The following KDM6A variants were observed in gnomAD, a reference collection of about 807,000 sequenced individuals.
KDM6A encodes lysine-specific demethylase 6A.
In KDM6A, 11 loss-of-function variants were observed where a neutral mutation model predicts 117.6. The observed-to-expected ratio is 0.09, with a 90% CI of 0.06 to 0.15. The LOEUF is 0.15. KDM6A is among the 10% of genes least tolerant of loss of function. The pLI is 1.00. For missense variants in KDM6A, 799 were observed against 1,077.3 expected (o/e 0.74, Z 3.62); for synonymous variants, 384 against 396.1 (o/e 0.97, Z 0.36).
At chrX:44,908,170 G>A (rs2034849257) in intron 2 of KDM6A, among the ~76,000 whole-genome samples, 1 of 110,570 alleles carries the variant, frequency 9.0e-6, no homozygotes, top group Non-Finnish European at 1.9e-5. Context: ...AAGGGCTTTT[G>A]TCTTGGTAGC....
intron 8 of KDM6A, among the ~76,000 whole-genome samples, chrX:45,040,446 G>A (rs1238166077): frequency 9.2e-5 from 8 of 87,143 alleles, no homozygotes; most frequent in Admixed American, 3.4e-4. Flanking sequence ...CGGGCGGGGG[G>A]CTGACCCCCC....
At chrX:45,041,123 G>A (rs2043150233) in intron 8 of KDM6A, among the ~76,000 whole-genome samples, 1 of 74,898 alleles carries the variant, frequency 1.3e-5, no homozygotes, top group African/African-American at 6.2e-5. Context: ...CGGGCGGGGG[G>A]CTGACCCCCA....
At chrX:44,903,604 ACT>A (rs1235886409) in intron 2 of KDM6A, among the ~76,000 whole-genome samples, 2 of 109,656 alleles carry the variant, frequency 1.8e-5, no homozygotes, top group African/African-American at 3.3e-5. Context: ...GGTTTCTGAG[ACT>A]CTGTTAATTT....
chrX:44,904,358 A>AT (rs1352389808), intron 2 of KDM6A, among the ~76,000 whole-genome samples: 1 of 111,203 alleles, frequency 9.0e-6, no homozygotes, highest in Non-Finnish European at 1.9e-5. Flanking sequence ...GACTTCTCAG[A>AT]TTTTTCTGGG....
intron 27 of KDM6A, among the ~76,000 whole-genome samples, chrX:45,101,896 A>G (rs770395911): frequency 5.6e-4 from 62 of 111,573 alleles, no homozygotes; most frequent in African/African-American, 1.9e-3. Context: ...TATATAACAT[A>G]TGTAATCCTC....
intron 2 of KDM6A, among the ~76,000 whole-genome samples, chrX:44,900,758 G>A (rs1216402293): frequency 9.0e-6 from 1 of 111,195 alleles, no homozygotes; most frequent in South Asian, 3.7e-4. Flanking sequence ...TTAGCTGGGC[G>A]TGGTGGCAGG....
intron 17 of KDM6A, among the ~76,000 whole-genome samples, 200 bp downstream of exon 17, chrX:45,064,017 A>T (rs1285327541): frequency 8.9e-6 from 1 of 112,092 alleles, no homozygotes; most frequent in Non-Finnish European, 1.9e-5. Flanking sequence ...CTCTACCGAC[A>T]TAGATAACTT....
In KDM6A at chrX:45,053,837, C is replaced by A; in HGVS notation, c.757C>A (p.His253Asn). 8.4e-7 allele frequency: 1 copy of A among 1,187,100 alleles called. No individual in the cohort carries two copies. Among genetic ancestry groups the A allele is most frequent in the Non-Finnish European group, 1.1e-6 (1 of 873,362 alleles). The change falls in exon 10 of 30, where the codon CAT becomes AAT. Residue 253 changes from histidine to asparagine, a missense_variant. His to Asn is a moderately conservative substitution (Grantham distance 68). Around this residue, in one of 8 missense-constraint regions of KDM6A, gnomAD observed 63 missense variants for 68.2 expected, o/e 0.92. Coordinates refer to ENST00000611820, the MANE Select transcript of KDM6A (RefSeq NM_001291415.2). ...ATVLQQLGWM[H>N]HTVDLLGDKA... is the part of the protein sequence containing the mutation. Reference sequence around the variant, plus strand: ...TAAATCATTTACTGTAGGTTGGATGCATCACACTGTAGATCTCCTGGGAGA... The same window carrying A: ...TAAATCATTTACTGTAGGTTGGATGAATCACACTGTAGATCTCCTGGGAGA...
At chrX:45,099,728 T>C (rs2046261944) in intron 27 of KDM6A, among the ~76,000 whole-genome samples, 1 of 112,034 alleles carries the variant, frequency 8.9e-6, no homozygotes, top group African/African-American at 3.2e-5. Context: ...TTACGACTGG[T>C]AGATTAAGAT....
chrX:44,919,641 C>G (rs866513807), intron 2 of KDM6A, among the ~76,000 whole-genome samples: 1 of 91,582 alleles, frequency 1.1e-5, no homozygotes. Context: ...CAATATATAT[C>G]TTTTTTTTTT....
intron 8 of KDM6A, among the ~76,000 whole-genome samples, chrX:45,044,951 C>T (rs889270467): frequency 5.4e-5 from 6 of 111,272 alleles, no homozygotes; most frequent in Non-Finnish European, 9.4e-5. Context: ...TGCTATAATA[C>T]TTATCTATAT....
chrX:44,996,111 C>G (rs770219271), intron 4 of KDM6A, among the ~76,000 whole-genome samples: 1 of 110,313 alleles, frequency 9.1e-6, no homozygotes, highest in South Asian at 3.9e-4. Context: ...GGGTCTTCCT[C>G]TGTAGCCCAG....
chrX:44,918,869 TCATGTTTACAAGTTTTA>T (rs1232706048), intron 2 of KDM6A, among the ~76,000 whole-genome samples: 3 of 112,044 alleles, frequency 2.7e-5, no homozygotes, highest in Middle Eastern at 4.6e-3. Flanking sequence ...CTTACATTTT[TCATGTTTACAAGTTTTA>T]CATGTTTACA....
At chrX:44,981,776 C>T (rs1270970034) in intron 4 of KDM6A, among the ~76,000 whole-genome samples, 2 of 111,548 alleles carry the variant, frequency 1.8e-5, no homozygotes, top group African/African-American at 3.3e-5. Context: ...TGAGTTATCT[C>T]GTTAGCATAA....
chrX:45,054,717 A>G (rs1455667442), intron 10 of KDM6A, among the ~76,000 whole-genome samples: 1 of 111,796 alleles, frequency 8.9e-6, no homozygotes, highest in Non-Finnish European at 1.9e-5. Context: ...GAGCCAGGAC[A>G]CTTAGATTCA....
chrX:44,945,493 A>C (rs2037578947), intron 2 of KDM6A, among the ~76,000 whole-genome samples: 1 of 111,080 alleles, frequency 9.0e-6, no homozygotes, highest in South Asian at 3.8e-4. Flanking sequence ...GATGATTGAG[A>C]TGCCAAGAAT....
At chrX:44,972,401 T>C (rs1384293435) in intron 3 of KDM6A, among the ~76,000 whole-genome samples, 1 of 111,063 alleles carries the variant, frequency 9.0e-6, no homozygotes, top group African/African-American at 3.3e-5. Context: ...TTCTTTCTTT[T>C]TTTTTTAATC....
Position 45,082,754 on chromosome X carries a change from G to A in KDM6A, c.3405G>A (p.Lys1135=), listed in dbSNP as rs371140397. 14 of 1,201,795 alleles carry A rather than the reference G, an allele frequency of 1.2e-5. No individual in the cohort carries two copies. Among genetic ancestry groups the A allele is most frequent in the Non-Finnish European group, 1.6e-5 (14 of 888,641 alleles). Residue 1135 remains lysine, a synonymous_variant, in exon 23 of 30, where the codon AAG becomes AAA. Coordinates refer to ENST00000611820, the MANE Select transcript of KDM6A (RefSeq NM_001291415.2). ...GGAAAGGACCCTTTAAAACCATAAA[G>A]TTTGGGACCAATATTGACCTATCTG... is the stretch of plus-strand genomic sequence containing the variant. ...RRRKGPFKTI[K]FGTNIDLSDD...
intron 2 of KDM6A, 30 bp downstream of exon 2, chrX:44,874,017 A>T: frequency 8.5e-7 from 1 of 1,180,812 alleles, no homozygotes; most frequent in Non-Finnish European, 1.2e-6. Context: ...GAGCGCGGAC[A>T]CCGTCTCCCT....
Sources: gnomAD v4.1 joint callset for allele counts (sites outside exome capture counted in the v4.1 genomes callset) on GRCh38, gnomAD v4.1.1 for gene constraint, gnomAD v4.1.1 regional missense constraint, MANE v1.5 for transcripts, NCBI Gene and HGNC (gene_info 2026-07-23, HGNC 2026-07-21) for gene names.